The following GTF2F1 variants were observed in gnomAD, a reference collection of about 807,000 sequenced individuals.
The protein encoded by GTF2F1 is general transcription factor IIF subunit 1, also known as general transcription factor IIF 74 kDa subunit.
Under a neutral mutation model 63.5 loss-of-function variants are expected in GTF2F1, and 39 were observed. The observed-to-expected ratio is 0.61, with a 90% CI of 0.48 to 0.80. The LOEUF (loss-of-function observed/expected upper bound fraction) is 0.80, where lower values mean the gene tolerates loss of function less well. Among genes scored for constraint, GTF2F1 ranks in the 30% least tolerant of loss-of-function variants. The pLI is 0.00. For synonymous variants in GTF2F1, 287 were observed against 285.3 expected (o/e 1.01, Z -0.06); for missense variants, 657 against 718.3 (o/e 0.91, Z 0.97).
intron 3 of GTF2F1, among the ~76,000 whole-genome samples, chr19:6,391,658 G>C (rs112738274): frequency 6.6e-6 from 1 of 151,722 alleles, no homozygotes; most frequent in Non-Finnish European, 1.5e-5. Context: ...CTATTGTATT[G>C]CCCAGGCTGG....
At chr19:6,382,861 C>CCTGA (rs1420151528) in intron 6 of GTF2F1, among the ~76,000 whole-genome samples, 1 of 151,778 alleles carries the variant, frequency 6.6e-6, no homozygotes, top group Non-Finnish European at 1.5e-5. Flanking sequence ...GGCCTTGCCT[C>CCTGA]CTGACTGACA....
In GTF2F1 at chr19:6,380,199, G is replaced by C. The variant is rs573003291; in HGVS notation, c.*82C>G. The stretch of plus-strand genomic sequence containing the variant: ...GTTCTGGAGGGCAGAGCCATGTATT[G>C]GACAGAGCCTCACTCTAGGATGGCG... On this transcript the variant is annotated 3_prime_UTR_variant, in exon 13 of 13. Transcript: ENST00000394456. This position sits in a 1 kb window ranked among gnomAD's most constrained non-coding sequence, Gnocchi z 5.3. The C allele has an allele frequency of 1.7e-6, 2 of 1,175,550 alleles. No homozygotes were observed. Among genetic ancestry groups the C allele is most frequent in the African/African-American group, 3.0e-5 (2 of 66,532 alleles). 72.8% of individuals were successfully genotyped at this position (1,175,550 alleles called of 1,614,324 possible).
chr19:6,383,452 G>A lies in GTF2F1; in HGVS notation c.541C>T (p.Arg181Trp), dbSNP rs1599211315. 3.7e-6 allele frequency: 6 copies of A among 1,614,090 alleles called. No individual in the cohort carries two copies. Among genetic ancestry groups the A allele is most frequent in the East Asian group, 2.2e-5 (1 of 44,880 alleles). The change falls in exon 6 of 13, where the codon CGG becomes TGG. Residue 181 changes from arginine (R) to tryptophan (W), a missense_variant. By Grantham distance (101) the Arg-to-Trp change is moderately radical (BLOSUM62 -3). Coordinates refer to ENST00000394456, the MANE Select transcript of GTF2F1 (RefSeq NM_002096.3). The surrounding 1 kb of genome is among the most constrained non-coding windows in gnomAD (Gnocchi z 4.5). Reference sequence around the variant, plus strand: ...TCGTCCTGGTCCTGATCCTTGAGCCGCCGCTGCTGCATGATGCTGAAGTGG... The same window carrying A: ...TCGTCCTGGTCCTGATCCTTGAGCCACCGCTGCTGCATGATGCTGAAGTGG... Reference protein sequence around the residue: ...LNHFSIMQQRRLKDQDQDEDE... With the variant: ...LNHFSIMQQRWLKDQDQDEDE...
intron 5 of GTF2F1, among the ~76,000 whole-genome samples, chr19:6,384,271 G>A (rs989865771): frequency 6.6e-6 from 1 of 151,768 alleles, no homozygotes; most frequent in Non-Finnish European, 1.5e-5. Context: ...ACTTTGGGAG[G>A]CCGAGGCAAG....
chr19:6,381,091 A>C lies in GTF2F1; in HGVS notation c.1092+31T>G. 4.4e-6 allele frequency: 7 copies of C among 1,605,544 alleles called. No individual in the cohort carries two copies. The highest frequency in any genetic ancestry group is 6.0e-6 in the Non-Finnish European group (7 of 1,176,206). On this transcript the variant is annotated intron_variant, in intron 10 of 12. Coordinates refer to ENST00000394456, the MANE Select transcript of GTF2F1 (RefSeq NM_002096.3). The surrounding 1 kb of genome is among the most constrained non-coding windows in gnomAD (Gnocchi z 4.1). ...TGGGTGAGTCTGCAAACAGACGCCC[A>C]GGCCTCCCCCGCCACCGGGCTGGGC...
chr19:6,383,603 TG>T lies in GTF2F1; in HGVS notation c.498-109del. 8.3e-7 allele frequency: 1 copy of T among 1,198,022 alleles called. No individual in the cohort carries two copies. The allele number at this position is 1,198,022 out of a possible 1,614,324, so 74.2% of individuals were successfully genotyped here. A position where few individuals can be genotyped will look rare whatever the true frequency, so the allele number is the denominator to read the frequency against. On this transcript the variant is annotated intron_variant, in intron 5 of 12. Coordinates refer to ENST00000394456, the MANE Select transcript of GTF2F1 (RefSeq NM_002096.3). This position sits in a 1 kb window ranked among gnomAD's most constrained non-coding sequence, Gnocchi z 4.5. ...CACCCACATAGCCTTCAAGGTGATGTGGCCCCCGGGGACTTGGGCTGTGGCA... is the reference window on the plus strand; with the variant it reads ...CACCCACATAGCCTTCAAGGTGATGTGCCCCCGGGGACTTGGGCTGTGGCA...
intron 6 of GTF2F1, among the ~76,000 whole-genome samples, chr19:6,382,315 T>C (rs964071108): frequency 6.6e-6 from 1 of 151,676 alleles, no homozygotes; most frequent in African/African-American, 2.4e-5. Context: ...ACACAGTGAG[T>C]GAGACCCCAG....
At chr19:6,390,752 C>T (rs943194188) in intron 3 of GTF2F1, among the ~76,000 whole-genome samples, 1 of 151,084 alleles carries the variant, frequency 6.6e-6, no homozygotes, top group African/African-American at 2.4e-5. Flanking sequence ...TGGTGGTGGG[C>T]GCCTGTAATC....
At chr19:6,384,978 T>C (rs2091968575) in intron 5 of GTF2F1, among the ~76,000 whole-genome samples, 1 of 152,012 alleles carries the variant, frequency 6.6e-6, no homozygotes, top group Admixed American at 6.6e-5. Context: ...GAGATGGCAT[T>C]TCACCAAATT....
At chr19:6,387,321 T>G in intron 5 of GTF2F1, 68 bp downstream of exon 5, 2 of 1,451,432 alleles carry the variant, frequency 1.4e-6, no homozygotes, top group Non-Finnish European at 1.9e-6. Flanking sequence ...CAGGGCCTGG[T>G]GATATATCCA....
At chr19:6,387,646 C>A in intron 4 of GTF2F1, 87 bp from the exon 5 acceptor site, 4 of 1,010,320 alleles carry the variant, frequency 4.0e-6, no homozygotes, top group Non-Finnish European at 5.9e-6. Flanking sequence ...CTTTATGGCA[C>A]TTGCCATAGG....
intron 6 of GTF2F1, among the ~76,000 whole-genome samples, chr19:6,382,632 A>C (rs1450525409): frequency 4.0e-5 from 3 of 74,090 alleles, no homozygotes; most frequent in African/African-American, 2.6e-4. Flanking sequence ...CTCTGTCTCC[A>C]AAAAAAAAAA....
rs764002836 is a variant in GTF2F1 at position 6,389,436 on chromosome 19, C to T, written c.326+8G>A. The T allele has an allele frequency of 3.1e-6, 5 of 1,612,072 alleles. No individual in the cohort carries two copies. In the East Asian group the frequency reaches 1.1e-4, roughly 36 times the overall value. ...CTAAGCCGGCACCGCCACCGCCCCACCACTTACTTCCTGCCTGATTTGCCG... is the reference window on the plus strand; with the variant it reads ...CTAAGCCGGCACCGCCACCGCCCCATCACTTACTTCCTGCCTGATTTGCCG... On this transcript the variant is annotated splice_region_variant and intron_variant, in intron 4 of 12. Coordinates refer to ENST00000394456, the MANE Select transcript of GTF2F1 (RefSeq NM_002096.3).
rs1159505037 is a variant in GTF2F1, at chr19:6,382,799, C to CAA, written c.682+510_682+511dup. Among the ~76,000 whole-genome samples the CAA allele has an allele frequency of 1.7e-4, 14 of 81,574 alleles. 1 individual carries two copies. Among genetic ancestry groups the CAA allele is most frequent in the Non-Finnish European group, 1.6e-4 (6 of 38,106 alleles). 53.5% of individuals were successfully genotyped at this position (81,574 alleles called of 152,430 possible). A position where few individuals can be genotyped will look rare whatever the true frequency, so the allele number is the denominator to read the frequency against. On this transcript the variant is annotated intron_variant, in intron 6 of 12. Transcript: ENST00000394456. ...TGTGAGAGAGAGAGAGATCCTGTCT[C>CAA]AAAAAAAAAAAAAAAAAAAAGAAGG... is the stretch of plus-strand genomic sequence containing the variant.
chr19:6,389,300 T>C lies in GTF2F1; in HGVS notation c.326+144A>G, dbSNP rs187938422. On this transcript the variant is annotated intron_variant, in intron 4 of 12. Coordinates refer to ENST00000394456, the MANE Select transcript of GTF2F1 (RefSeq NM_002096.3). ...ATAAATAAATAAATAAATAATAAAATCCTACAGGGATGGAAGTGCCAGCAC... is the reference window on the plus strand; with the variant it reads ...ATAAATAAATAAATAAATAATAAAACCCTACAGGGATGGAAGTGCCAGCAC... 6.1e-3 allele frequency: 2,678 copies of C among 441,570 alleles called. 17 individuals are homozygous for C. Among genetic ancestry groups the C allele is most frequent in the South Asian group, 0.016 (195 of 12,408 alleles). 27.4% of individuals were successfully genotyped at this position (441,570 alleles called of 1,614,324 possible).
At position 6,389,548 on chromosome 19, in the gene GTF2F1, C is replaced by G. The variant is rs1165194592; in HGVS notation, c.222G>C (p.Lys74Asn). The G allele has an allele frequency of 6.2e-7, 1 of 1,614,264 alleles. No homozygotes were observed. Reference protein sequence around the residue: ...ESGAGSEFNRKLREEARRKKY... With the variant: ...ESGAGSEFNRNLREEARRKKY... ...TCTTCCTCCGAGCCTCCTCCCGAAG[C>G]TTGCGGTTGAACTCACTGCCCGCGC... The change falls in exon 4 of 13, where the codon AAG (lysine) becomes AAC (asparagine). Residue 74 changes from lysine (K) to asparagine (N), a missense_variant. Coordinates refer to ENST00000394456, the MANE Select transcript of GTF2F1 (RefSeq NM_002096.3).
At chr19:6,387,656 G>GGCT (rs2091979031) in intron 4 of GTF2F1, 97 bp from the exon 5 acceptor site, 1 of 983,960 alleles carries the variant, frequency 1.0e-6, no homozygotes, top group Non-Finnish European at 1.5e-6. Context: ...CTTGCCATAG[G>GGCT]AGGAAGACCA....
Position 6,381,058 on chromosome 19 carries a change from T to A in GTF2F1, c.1093-16A>T, listed in dbSNP as rs868843814. 1 of 1,610,624 alleles carries A rather than the reference T, an allele frequency of 6.2e-7. No individual in the cohort carries two copies. The highest frequency in any genetic ancestry group is 8.5e-7 in the Non-Finnish European group (1 of 1,178,610). The stretch of plus-strand genomic sequence containing the variant: ...TCTTCTTCTTCTGCAGAGGTCAGGG[T>A]TGGGAGGTGGGTGAGTCTGCAAACA... On this transcript the variant is annotated splice_polypyrimidine_tract_variant and intron_variant, in intron 10 of 12. Coordinates refer to ENST00000394456, the MANE Select transcript of GTF2F1 (RefSeq NM_002096.3). This position sits in a 1 kb window ranked among gnomAD's most constrained non-coding sequence, Gnocchi z 4.1.
At chr19:6,382,809 A>G (rs1209778430) in intron 6 of GTF2F1, among the ~76,000 whole-genome samples, 1 of 151,488 alleles carries the variant, frequency 6.6e-6, no homozygotes, top group African/African-American at 2.4e-5. Flanking sequence ...CAAAAAAAAA[A>G]AAAAAAAAAA....
Sources: allele counts gnomAD v4.1 joint callset (sites outside exome capture counted in the v4.1 genomes callset), GRCh38; gene constraint gnomAD v4.1.1; non-coding constraint Gnocchi (gnomAD v3.1); transcripts MANE v1.5; gene names NCBI Gene and HGNC (gene_info 2026-07-23, HGNC 2026-07-21).